The following RBPMS2 variants were observed in gnomAD, a reference collection of about 807,000 sequenced individuals.
RBPMS2 encodes RNA binding protein, mRNA processing factor 2, also known as RNA-binding protein with multiple splicing 2.
Under a neutral mutation model 25.7 loss-of-function variants are expected in RBPMS2, and 14 were observed. That is an observed-to-expected ratio of 0.55 (90% CI 0.36 to 0.85). RBPMS2 has a LOEUF of 0.85. RBPMS2 is among the 40% of genes least tolerant of loss of function. The pLI is 0.01. For synonymous variants in RBPMS2, 127 were observed against 115.6 expected (o/e 1.10, Z -0.63); for missense variants, 252 against 283.4 (o/e 0.89, Z 0.80).
At chr15:64,750,754 T>C (rs1170078881) in intron 2 of RBPMS2, among the ~76,000 whole-genome samples, 1 of 152,226 alleles carries the variant, frequency 6.6e-6, no homozygotes, top group African/African-American at 2.4e-5. Flanking sequence ...AGATTCTTAC[T>C]GTTAGCTGGG....
At chr15:64,757,107 G>A (rs1194292403) in intron 1 of RBPMS2, among the ~76,000 whole-genome samples, 1 of 151,706 alleles carries the variant, frequency 6.6e-6, no homozygotes, top group Non-Finnish European at 1.5e-5. Flanking sequence ...AGAGTATCTG[G>A]GACTATAGGT....
chr15:64,747,854 G>C (rs1006326763), intron 6 of RBPMS2, among the ~76,000 whole-genome samples: 2 of 152,216 alleles, frequency 1.3e-5, no homozygotes, highest in Non-Finnish European at 2.9e-5. Flanking sequence ...GTTCACAGTG[G>C]ACAGCGTCCA....
intron 1 of RBPMS2, among the ~76,000 whole-genome samples, chr15:64,767,670 A>G (rs933587355): frequency 1.4e-4 from 22 of 152,094 alleles, no homozygotes; most frequent in African/African-American, 4.3e-4. Context: ...CCCAGCCTTG[A>G]GTGGGATTTT....
Position 64,775,299 on chromosome 15 carries a change from G to T in RBPMS2, c.21C>A (p.Asp7Glu), listed in dbSNP as rs2141084320. The stretch of plus-strand genomic sequence containing the variant: ...TGCCGGTGCTGCCGCCGTGCTCGCC[G>T]TCCGGCTTCAGGTTGCTCATGGTGC... MSNLKP[D>E]GEHGGSTGTG... Residue 7 changes from aspartate to glutamate, a missense_variant, in exon 1 of 8, where the codon GAC becomes GAA. Physicochemically the swap from Asp to Glu is conservative, Grantham distance 45. Coordinates refer to ENST00000300069, the MANE Select transcript of RBPMS2 (RefSeq NM_194272.3). 1.5e-6 allele frequency: 2 copies of T among 1,351,322 alleles called. No individual in the cohort carries two copies. The highest frequency in any genetic ancestry group is 1.9e-6 in the Non-Finnish European group (2 of 1,045,066). 83.7% of individuals were successfully genotyped at this position (1,351,322 alleles called of 1,614,324 possible).
chr15:64,758,561 G>A (rs1470281718), intron 1 of RBPMS2, among the ~76,000 whole-genome samples: 1 of 152,256 alleles, frequency 6.6e-6, no homozygotes, highest in East Asian at 1.9e-4. Context: ...ACATGGCTGT[G>A]TGGCTCTCAT....
In RBPMS2 at chr15:64,749,133, G is replaced by C. The variant is rs759339281; in HGVS notation, c.285C>G (p.Pro95=). 1.1e-5 allele frequency: 17 copies of C among 1,614,022 alleles called. No homozygotes were observed. The East Asian group carries it at 3.3e-4, about 32-fold the overall frequency. The part of the protein sequence containing the change: ...KNALNGIRFD[P]ENPQTLRLEF... ...CTAGCCTCAGAGTCTGTGGATTTTC[G>C]GGATCAAAGCGAATACCCTACATGG... Residue 95 remains proline (P), a synonymous_variant, in exon 5 of 8, where the codon CCC becomes CCG. Coordinates refer to ENST00000300069, the MANE Select transcript of RBPMS2 (RefSeq NM_194272.3).
In RBPMS2 at chr15:64,748,471, G is replaced by C; in HGVS notation, c.515C>G (p.Ala172Gly). 1 of 1,614,128 alleles carries C rather than the reference G, an allele frequency of 6.2e-7. No individual in the cohort carries two copies. The highest frequency in any genetic ancestry group is 8.5e-7 in the Non-Finnish European group (1 of 1,180,002). Residue 172 changes from alanine to glycine, a missense_variant, in exon 6 of 8, where the codon GCT becomes GGT. Coordinates refer to ENST00000300069, the MANE Select transcript of RBPMS2 (RefSeq NM_194272.3). Reference protein sequence around the residue: ...TTELTPAISHAAFTYPTATAA... With the variant: ...TTELTPAISHGAFTYPTATAA... The stretch of plus-strand genomic sequence containing the variant: ...AGTGGCAGTTGGGTAGGTGAACGCA[G>C]CATGGGAGATGGCTGGGGTCAGCTC...
intron 1 of RBPMS2, among the ~76,000 whole-genome samples, chr15:64,762,861 C>T (rs1481429580): frequency 1.3e-5 from 2 of 152,132 alleles, no homozygotes; most frequent in Non-Finnish European, 2.9e-5. Flanking sequence ...CTTCTGCACA[C>T]AAGGTGGCAA....
chr15:64,747,826 G>A (rs1045033992), intron 6 of RBPMS2, among the ~76,000 whole-genome samples: 3 of 152,128 alleles, frequency 2.0e-5, no homozygotes, highest in Non-Finnish European at 1.5e-5. Context: ...TTCACTCCCT[G>A]TTTCCTGCCC....
intron 1 of RBPMS2, among the ~76,000 whole-genome samples, chr15:64,752,912 G>A (rs1468828463): frequency 6.6e-6 from 1 of 152,028 alleles, no homozygotes; most frequent in African/African-American, 2.4e-5. Flanking sequence ...GTGCCCGGCT[G>A]ATGCTGTGAA....
At chr15:64,746,398 C>T (rs546818376) in intron 6 of RBPMS2, among the ~76,000 whole-genome samples, 1 of 152,370 alleles carries the variant, frequency 6.6e-6, no homozygotes, top group African/African-American at 2.4e-5. Context: ...ACCATCTGCA[C>T]TTTCACAGCA....
chr15:64,740,942 C>T lies in RBPMS2; in HGVS notation c.*66G>A, dbSNP rs1161850960. The T allele has an allele frequency of 1.3e-5, 6 of 463,986 alleles. No individual in the cohort carries two copies. Among genetic ancestry groups the T allele is most frequent in the Admixed American group, 7.4e-5 (2 of 26,878 alleles). 28.7% of individuals were successfully genotyped at this position (463,986 alleles called of 1,614,324 possible). A position where few individuals can be genotyped will look rare whatever the true frequency, so the allele number is the denominator to read the frequency against. ...AGGCCGCCCGGGGGCAGTGGGAACT[C>T]GGGGCGCCTGTCCCGGCACCACCAC... On this transcript the variant is annotated 3_prime_UTR_variant, in exon 8 of 8. Coordinates refer to ENST00000300069, the MANE Select transcript of RBPMS2 (RefSeq NM_194272.3).
intron 1 of RBPMS2, among the ~76,000 whole-genome samples, chr15:64,759,659 G>A (rs1342209736): frequency 6.6e-6 from 1 of 152,026 alleles, no homozygotes; most frequent in African/African-American, 2.4e-5. Context: ...GACTCGGCCT[G>A]TTTTTCTTTT....
At chr15:64,761,607 T>C (rs1595792413) in intron 1 of RBPMS2, among the ~76,000 whole-genome samples, 1 of 151,256 alleles carries the variant, frequency 6.6e-6, no homozygotes, top group East Asian at 1.9e-4. Context: ...GGCGCAAACA[T>C]GGCTCACTGC....
rs2083600624 is a variant in RBPMS2, at chr15:64,744,793, GTTTTGTTTTTTTT to G, written c.568-3564_568-3552del. Among the ~76,000 whole-genome samples, 55 of 57,806 alleles carry G rather than the reference GTTTTGTTTTTTTT, an allele frequency of 9.5e-4. 2 individuals carry two copies. In the South Asian group the frequency reaches 0.026, roughly 28 times the overall value. The allele number at this position is 57,806 out of a possible 152,430, so 37.9% of individuals were successfully genotyped here. ...CCTAATATTTAAGTTTTTTTGGTTT[GTTTTGTTTTTTTT>G]TTTTTTTTTTTTTTTTTTTTTTTTT... On this transcript the variant is annotated intron_variant, in intron 6 of 7. Transcript: ENST00000300069.
intron 1 of RBPMS2, among the ~76,000 whole-genome samples, chr15:64,754,066 T>C (rs1337996194): frequency 6.6e-6 from 1 of 152,140 alleles, no homozygotes; most frequent in Non-Finnish European, 1.5e-5. Flanking sequence ...ACCCCAGCAC[T>C]TTGGAAGGCT....
At chr15:64,744,392 C>T (rs1299251798) in intron 6 of RBPMS2, among the ~76,000 whole-genome samples, 1 of 151,504 alleles carries the variant, frequency 6.6e-6, no homozygotes, top group African/African-American at 2.4e-5. Flanking sequence ...AACCCCATCT[C>T]TACTAAAAAT....
At chr15:64,744,503 A>G (rs2083594766) in intron 6 of RBPMS2, among the ~76,000 whole-genome samples, 1 of 150,006 alleles carries the variant, frequency 6.7e-6, no homozygotes, top group Non-Finnish European at 1.5e-5. Context: ...GGTTGAGGTG[A>G]GCTAAGATCA....
chr15:64,762,083 C>T (rs1420427060), intron 1 of RBPMS2, among the ~76,000 whole-genome samples: 1 of 152,128 alleles, frequency 6.6e-6, no homozygotes, highest in African/African-American at 2.4e-5. Context: ...AATTCCTGGA[C>T]TCAAGCCATC....
Sources: allele counts gnomAD v4.1 joint callset (sites outside exome capture counted in the v4.1 genomes callset), GRCh38; gene constraint gnomAD v4.1.1; transcripts MANE v1.5; gene names NCBI Gene and HGNC (gene_info 2026-07-23, HGNC 2026-07-21).